Variants in PCDHA3 observed in about 807,000 individuals in gnomAD.
The protein encoded by PCDHA3 is protocadherin alpha-3.
Under a neutral mutation model 62.2 loss-of-function variants are expected in PCDHA3, and 41 were observed. That is an observed-to-expected ratio of 0.66 (90% CI 0.51 to 0.86). The LOEUF (loss-of-function observed/expected upper bound fraction) is 0.86, where lower values mean the gene tolerates loss of function less well. Ranked by LOEUF, PCDHA3 falls within the 40% of genes least tolerant of loss-of-function variation. PCDHA3 has a pLI of 0.00. For missense variants in PCDHA3, 1,304 were observed against 1,241.2 expected (o/e 1.05, Z -0.76); for synonymous variants, 640 against 555.4 (o/e 1.15, Z -2.14).
At position 140,803,278 on chromosome 5, in the gene PCDHA3, T is replaced by G; in HGVS notation, c.2081T>G (p.Val694Gly). Reference sequence around the variant, plus strand: ...GCCACGGGCCCGGAAGCTGCACTGGTGGATGTCAACGTGTACTTGATCGTC... The same window carrying G: ...GCCACGGGCCCGGAAGCTGCACTGGGGGATGTCAACGTGTACTTGATCGTC... ...AGATGPEAAL[V>G]DVNVYLIVAI... Residue 694 changes from valine (V) to glycine (G), a missense_variant, in exon 1 of 4, where the codon GTG (valine) becomes GGG (glycine). Physicochemically the swap from Val to Gly is moderately radical, Grantham distance 109 (BLOSUM62 -3). Transcript: ENST00000522353. 1 of 1,614,030 alleles carries G rather than the reference T, an allele frequency of 6.2e-7. No individual in the cohort carries two copies. The highest frequency in any genetic ancestry group is 8.5e-7 in the Non-Finnish European group (1 of 1,179,972).
intron 1 of PCDHA3, among the ~76,000 whole-genome samples, chr5:140,826,250 A>G (rs992986952): frequency 6.6e-6 from 1 of 152,180 alleles, no homozygotes; most frequent in African/African-American, 2.4e-5. Context: ...ATATCTCTTT[A>G]TATATCAAGT....
At chr5:140,959,871 T>C (rs572861997) in intron 1 of PCDHA3, among the ~76,000 whole-genome samples, 1 of 152,322 alleles carries the variant, frequency 6.6e-6, no homozygotes, top group Admixed American at 6.5e-5. Flanking sequence ...GCAAAATCTG[T>C]CAAGGAATAC....
intron 1 of PCDHA3, among the ~76,000 whole-genome samples, chr5:140,844,278 G>A (rs1324463534): frequency 6.7e-6 from 1 of 149,048 alleles, no homozygotes; most frequent in Non-Finnish European, 1.5e-5. Context: ...CAGAATGATA[G>A]TGTTTTTCAA....
chr5:140,995,893 A>G (rs1038677586), intron 3 of PCDHA3, among the ~76,000 whole-genome samples: 3 of 152,182 alleles, frequency 2.0e-5, no homozygotes, highest in Non-Finnish European at 4.4e-5. Flanking sequence ...AGATTTATCA[A>G]TGTATAAAAG....
In PCDHA3 at chr5:140,842,704, G is replaced by A. The variant is rs151170990; in HGVS notation, c.2394+39113G>A. 2,141 of 1,595,136 alleles carry A rather than the reference G, an allele frequency of 1.3e-3. 215 individuals are homozygous for A. The highest frequency in any genetic ancestry group is 5.2e-3 in the African/African-American group (389 of 74,336). On this transcript the variant is annotated intron_variant, in intron 1 of 3. Transcript: ENST00000522353. ...CGGCGTTCGCGCAGCCCGAGTACAC[G>A]GTGTTCGTGAAGGAGAACAACCCGC... is the stretch of plus-strand genomic sequence containing the variant.
rs782135685 is a variant in PCDHA3 at position 140,802,807 on chromosome 5, C to G, written c.1610C>G (p.Ala537Gly). Residue 537 changes from alanine (A) to glycine (G), a missense_variant, in exon 1 of 4, where the codon GCG (alanine) becomes GGG (glycine). Ala to Gly is a moderately conservative substitution (Grantham distance 60). Transcript: ENST00000522353. ...GAGCTGCTGCAGTTCCAGGTGAGTGCGCGCGATGCGGGCGTGCCGCCTCTG... is the reference window on the plus strand; with the variant it reads ...GAGCTGCTGCAGTTCCAGGTGAGTGGGCGCGATGCGGGCGTGCCGCCTCTG... ...ELELLQFQVS[A>G]RDAGVPPLGS... 4.3e-6 allele frequency: 7 copies of G among 1,613,440 alleles called. No individual in the cohort carries two copies. The highest frequency in any genetic ancestry group is 5.9e-6 in the Non-Finnish European group (7 of 1,179,896).
intron 1 of PCDHA3, chr5:140,805,525 A>T: frequency 1.0e-6 from 1 of 986,958 alleles, no homozygotes; most frequent in Non-Finnish European, 1.2e-6. Flanking sequence ...GTTTAGACAA[A>T]CAGGATGAAA....
chr5:141,007,158 A>C (rs1231758700), intron 3 of PCDHA3, among the ~76,000 whole-genome samples: 1 of 152,198 alleles, frequency 6.6e-6, no homozygotes, highest in African/African-American at 2.4e-5. Context: ...CTGTCAAAGA[A>C]CAGTCAGAGA....
At chr5:140,986,231 C>A (rs2097191592) in intron 3 of PCDHA3, among the ~76,000 whole-genome samples, 1 of 152,210 alleles carries the variant, frequency 6.6e-6, no homozygotes, top group African/African-American at 2.4e-5. Context: ...AGCCTCCCCT[C>A]TGTGTGAGCA....
chr5:140,828,786 T>C (rs2150158991), intron 1 of PCDHA3: 1 of 1,614,102 alleles, frequency 6.2e-7, no homozygotes, highest in Non-Finnish European at 8.5e-7. Context: ...CTGGTCACAG[T>C]GCTGGATGTG....
chr5:140,965,173 G>A (rs1257436786), intron 1 of PCDHA3, among the ~76,000 whole-genome samples: 1 of 152,218 alleles, frequency 6.6e-6, no homozygotes, highest in African/African-American at 2.4e-5. Flanking sequence ...TTTAGTGAGT[G>A]CTTTTTTTGC....
chr5:141,004,591 A>G (rs1277305361), intron 3 of PCDHA3, among the ~76,000 whole-genome samples: 3 of 152,222 alleles, frequency 2.0e-5, no homozygotes, highest in Non-Finnish European at 2.9e-5. Context: ...TCTCCAGATG[A>G]CAGTGCTTAG....
chr5:140,876,726 G>T, intron 1 of PCDHA3: 1 of 1,614,264 alleles, frequency 6.2e-7, no homozygotes, highest in African/African-American at 1.3e-5. Context: ...GCGAGAGCGT[G>T]TCGGCCTATG....
At position 140,972,813 on chromosome 5, in the gene PCDHA3, G is replaced by A. The variant is rs559474622; in HGVS notation, c.2395-6136G>A. Reference sequence around the variant, plus strand: ...TGAGTAGCTGAGATTACAGGCACGCGCCACCACGCCTGGCTAATTTTTGTA... The same window carrying A: ...TGAGTAGCTGAGATTACAGGCACGCACCACCACGCCTGGCTAATTTTTGTA... On this transcript the variant is annotated intron_variant, in intron 1 of 3. Transcript: ENST00000522353. Among the ~76,000 whole-genome samples, 11 of 151,984 alleles carry A rather than the reference G, an allele frequency of 7.2e-5. No individual in the cohort carries two copies. In the East Asian group the frequency reaches 1.2e-3, roughly 16 times the overall value.
At chr5:141,001,223 A>G (rs1349302343) in intron 3 of PCDHA3, among the ~76,000 whole-genome samples, 6 of 152,228 alleles carry the variant, frequency 3.9e-5, no homozygotes, top group Non-Finnish European at 8.8e-5. Context: ...AAGGATAGTT[A>G]CATTTAATCT....
intron 1 of PCDHA3, among the ~76,000 whole-genome samples, chr5:140,909,888 C>A (rs1391505487): frequency 6.6e-6 from 1 of 152,172 alleles, no homozygotes; most frequent in Admixed American, 6.5e-5. Flanking sequence ...AGACACTGTT[C>A]AGTAGTCCCT....
At chr5:140,883,384 CAG>C (rs1554177987) in intron 1 of PCDHA3, 2 of 1,614,072 alleles carry the variant, frequency 1.2e-6, no homozygotes, top group African/African-American at 2.7e-5. Context: ...TTGCCCTAAT[CAG>C]TGTGTCCGAT....
intron 1 of PCDHA3, among the ~76,000 whole-genome samples, chr5:140,907,985 A>T (rs1377305456): frequency 2.6e-5 from 4 of 152,178 alleles, no homozygotes; most frequent in East Asian, 1.9e-4. Flanking sequence ...GCTTCTTCCA[A>T]GTCCTTAACC....
chr5:140,844,328 A>T (rs2150370621), intron 1 of PCDHA3, among the ~76,000 whole-genome samples: 8 of 149,410 alleles, frequency 5.4e-5, no homozygotes, highest in Non-Finnish European at 9.0e-5. Flanking sequence ...TTTATTATAA[A>T]CTAGTTAAAA....
Sources: allele counts gnomAD v4.1 joint callset (sites outside exome capture counted in the v4.1 genomes callset), GRCh38; gene constraint gnomAD v4.1.1; transcripts MANE v1.5; gene names NCBI Gene and HGNC (gene_info 2026-07-23, HGNC 2026-07-21).